The following KLHL32 variants were observed in gnomAD, a reference collection of about 807,000 sequenced individuals.
KLHL32 encodes kelch like family member 32, also known as kelch-like protein 32.
A neutral mutation model predicts 64.8 loss-of-function variants in KLHL32; 35 were observed. That is an observed-to-expected ratio of 0.54 (90% CI 0.41 to 0.72). The LOEUF is 0.72. KLHL32 is among the 30% of genes least tolerant of loss of function. The probability of loss-of-function intolerance (pLI) is 0.00; values close to 1 mark genes in which losing one functional copy is unlikely to be tolerated. For missense variants in KLHL32, 589 were observed against 768.5 expected (o/e 0.77, Z 2.76); for synonymous variants, 259 against 281.0 (o/e 0.92, Z 0.78).
At chr6:97,006,597 T>C (rs1038788623) in intron 3 of KLHL32, among the ~76,000 whole-genome samples, 4 of 152,190 alleles carry the variant, frequency 2.6e-5, no homozygotes, top group Non-Finnish European at 5.9e-5. Flanking sequence ...AGTTGCTCTA[T>C]ATACTTAAAT....
At chr6:97,042,835 A>G (rs1227670314) in intron 4 of KLHL32, among the ~76,000 whole-genome samples, 3 of 152,144 alleles carry the variant, frequency 2.0e-5, no homozygotes, top group Non-Finnish European at 2.9e-5. Context: ...TCCAAATCTC[A>G]TGTTGAAATT....
chr6:97,102,361 C>T (rs1489196099), intron 6 of KLHL32, among the ~76,000 whole-genome samples: 1 of 152,144 alleles, frequency 6.6e-6, no homozygotes, highest in Non-Finnish European at 1.5e-5. Flanking sequence ...TCACTCTAGT[C>T]CCTATTGCCA....
chr6:96,908,860 T>C, the KLHL32 span, among the ~76,000 whole-genome samples: 1 of 152,096 alleles, frequency 6.6e-6, no homozygotes, highest in East Asian at 1.9e-4. Context: ...GGATGAGTTC[T>C]GCTGCACAAG....
chr6:97,136,986 G>A (rs1274932181), intron 10 of KLHL32, among the ~76,000 whole-genome samples: 3 of 152,176 alleles, frequency 2.0e-5, no homozygotes, highest in East Asian at 3.9e-4. Context: ...CTTGCCGTGT[G>A]ACCCTGAGAA....
At chr6:96,915,730 G>C in the KLHL32 span, among the ~76,000 whole-genome samples, 1 of 152,046 alleles carries the variant, frequency 6.6e-6, no homozygotes, top group Non-Finnish European at 1.5e-5. Context: ...AATTGGAAAA[G>C]TACTATGTAT....
At chr6:97,102,730 C>T (rs921628714) in intron 6 of KLHL32, among the ~76,000 whole-genome samples, 1 of 151,996 alleles carries the variant, frequency 6.6e-6, no homozygotes, top group Non-Finnish European at 1.5e-5. Context: ...TTTCATTTTT[C>T]CTATGGCATC....
rs1358042003 is a variant in KLHL32, at chr6:97,041,489, C to G, written c.205-3C>G. 6.2e-7 allele frequency: 1 copy of G among 1,604,578 alleles called. No individual in the cohort carries two copies. Among genetic ancestry groups the G allele is most frequent in the Non-Finnish European group, 8.5e-7 (1 of 1,171,420 alleles). On this transcript the variant is annotated splice_polypyrimidine_tract_variant and splice_region_variant and intron_variant, in intron 3 of 10. Coordinates refer to ENST00000369261, the MANE Select transcript of KLHL32 (RefSeq NM_052904.4). ...ACTGTCTTTCTCCCTTTCCTCACCTCAGGCAATGTTCAGTCTTTGTATGGT... is the reference window on the plus strand; with the variant it reads ...ACTGTCTTTCTCCCTTTCCTCACCTGAGGCAATGTTCAGTCTTTGTATGGT...
intron 5 of KLHL32, among the ~76,000 whole-genome samples, chr6:97,067,327 C>G (rs1789948462): frequency 6.6e-6 from 1 of 152,206 alleles, no homozygotes; most frequent in Admixed American, 6.5e-5. Context: ...AGCAGTGCTC[C>G]TCTGTGTCAA....
At chr6:96,909,700 A>G in the KLHL32 span, among the ~76,000 whole-genome samples, 1 of 152,218 alleles carries the variant, frequency 6.6e-6, no homozygotes, top group Non-Finnish European at 1.5e-5. Flanking sequence ...CTTCTGTAGT[A>G]ATTATTTCCA....
chr6:96,953,144 C>T (rs1449383712), intron 1 of KLHL32, among the ~76,000 whole-genome samples: 1 of 152,192 alleles, frequency 6.6e-6, no homozygotes, highest in African/African-American at 2.4e-5. Context: ...TTAGTTTTGT[C>T]TGTGCAGCAG....
intron 3 of KLHL32, among the ~76,000 whole-genome samples, chr6:97,022,390 T>C (rs1360894704): frequency 6.6e-6 from 1 of 150,720 alleles, no homozygotes; most frequent in Non-Finnish European, 1.5e-5. Flanking sequence ...CTTCCTTCCT[T>C]GCCCTCTGCA....
At chr6:97,009,469 G>T (rs76523987) in intron 3 of KLHL32, among the ~76,000 whole-genome samples, 2 of 152,058 alleles carry the variant, frequency 1.3e-5, no homozygotes, top group South Asian at 4.2e-4. Context: ...CCATGCTGTT[G>T]CTTCTGTTTT....
In KLHL32 at chr6:96,979,091, G is replaced by C. The variant is rs1229762453; in HGVS notation, c.204+2914G>C. ...GTTTGCAAAATATTTTCCCCATTTT[G>C]TGGGGTGTGTTTGTTGATAGTTTCT... On this transcript the variant is annotated intron_variant, in intron 3 of 10. Coordinates refer to ENST00000369261, the MANE Select transcript of KLHL32 (RefSeq NM_052904.4). Among the ~76,000 whole-genome samples the C allele has an allele frequency of 2.6e-5, 4 of 151,928 alleles. No individual in the cohort carries two copies. The East Asian group carries it at 7.7e-4, about 29-fold the overall frequency.
chr6:97,046,214 TTAAAC>T (rs1409970930), intron 4 of KLHL32, among the ~76,000 whole-genome samples: 2 of 152,172 alleles, frequency 1.3e-5, no homozygotes, highest in Admixed American at 6.5e-5. Flanking sequence ...TGCGTGCTGT[TTAAAC>T]TAATCTTTAA....
chr6:97,085,415 C>A (rs1407847292), intron 6 of KLHL32, 74 bp downstream of exon 6: 3 of 1,277,788 alleles, frequency 2.3e-6, no homozygotes, highest in African/African-American at 1.5e-5. Context: ...GACTGAGGAA[C>A]AATTACCACT....
intron 7 of KLHL32, among the ~76,000 whole-genome samples, chr6:97,121,470 CTT>C (rs1562360277): frequency 6.6e-6 from 1 of 152,076 alleles, no homozygotes; most frequent in African/African-American, 2.4e-5. Flanking sequence ...CACATAATGT[CTT>C]TCTGCGATTT....
At chr6:96,950,500 TA>T (rs59688440) in intron 1 of KLHL32, among the ~76,000 whole-genome samples, 25,824 of 147,566 alleles carry the variant, frequency 0.17, 2,515 homozygotes, top group Non-Finnish European at 0.23. Flanking sequence ...GTTGTCACGT[TA>T]AAAAAAAAAA....
intron 1 of KLHL32, among the ~76,000 whole-genome samples, chr6:96,937,708 C>T (rs964745809): frequency 4.6e-5 from 7 of 152,184 alleles, no homozygotes; most frequent in African/African-American, 1.7e-4. Flanking sequence ...TCCACTTCCT[C>T]CCGTGTCCCC....
At chr6:97,112,522 C>T (rs895875377) in intron 6 of KLHL32, among the ~76,000 whole-genome samples, 1 of 151,788 alleles carries the variant, frequency 6.6e-6, no homozygotes. Flanking sequence ...TCTCAGCTCA[C>T]TGTAAGCTCC....
Sources: gnomAD v4.1 joint callset for allele counts (sites outside exome capture counted in the v4.1 genomes callset) on GRCh38, gnomAD v4.1.1 for gene constraint, MANE v1.5 for transcripts, NCBI Gene and HGNC (gene_info 2026-07-23, HGNC 2026-07-21) for gene names.